The following SAP18 variants were observed in gnomAD, a reference collection of about 807,000 sequenced individuals.
SAP18 encodes histone deacetylase complex subunit SAP18.
In SAP18, 4 loss-of-function variants were observed where a neutral mutation model predicts 18.6. The observed-to-expected ratio is 0.21, with a 90% confidence interval of 0.11 to 0.49. The LOEUF (loss-of-function observed/expected upper bound fraction) is 0.49. Ranked by LOEUF, SAP18 falls within the 20% of genes least tolerant of loss-of-function variation. The pLI is 0.98. For synonymous variants in SAP18, 112 were observed against 82.8 expected (o/e 1.35, Z -1.92); for missense variants, 170 against 226.4 (o/e 0.75, Z 1.60).
Position 21,143,816 on chromosome 13 carries a change from C to CT in SAP18, c.239+2824dup, listed in dbSNP as rs1427117399. 5.3e-5 allele frequency among the ~76,000 whole-genome samples: 8 copies of CT among 152,274 alleles called. No homozygotes were observed. In the South Asian group the frequency reaches 1.2e-3, roughly 24 times the overall value. Reference sequence around the variant, plus strand: ...TTGCAACCAAACAAAGAAGGAACAACTTTAAGTTACATCTCAAAATGGTGG... The same window carrying CT: ...TTGCAACCAAACAAAGAAGGAACAACTTTTAAGTTACATCTCAAAATGGTGG... On this transcript the variant is annotated intron_variant, in intron 2 of 3. Coordinates refer to ENST00000621421, the Ensembl canonical transcript of SAP18.
chr13:21,146,957 A>G (rs987751723), intron 3 of SAP18, 30 bp downstream of exon 3: 2 of 1,588,438 alleles, frequency 1.3e-6, no homozygotes, highest in Non-Finnish European at 8.5e-7. Flanking sequence ...TAAGTCCTGT[A>G]ATCTCTTTGT....
intron 2 of SAP18, among the ~76,000 whole-genome samples, chr13:21,144,658 T>C (rs1179257572): frequency 6.6e-6 from 1 of 152,134 alleles, no homozygotes; most frequent in Non-Finnish European, 1.5e-5. Context: ...CCTAGGTTAG[T>C]GTTTGGTTGA....
exon 4 of SAP18, chr13:21,148,276 G>A (rs1049252683): frequency 2.6e-5 from 4 of 152,186 alleles, no homozygotes; most frequent in Non-Finnish European, 5.9e-5. Flanking sequence ...CTATAGGATT[G>A]TTAAGACTGA....
intron 2 of SAP18, among the ~76,000 whole-genome samples, chr13:21,142,948 A>G (rs1295314088): frequency 1.3e-5 from 2 of 152,118 alleles, no homozygotes; most frequent in Non-Finnish European, 2.9e-5. Context: ...TTATCTGTCC[A>G]TATATGAATT....
At chr13:21,144,974 G>A (rs907794004) in intron 2 of SAP18, among the ~76,000 whole-genome samples, 10 of 151,898 alleles carry the variant, frequency 6.6e-5, no homozygotes, top group Admixed American at 3.3e-4. Flanking sequence ...ACTGAGCATC[G>A]CAAGTCCAAA....
intron 2 of SAP18, among the ~76,000 whole-genome samples, chr13:21,142,343 T>C (rs996099757): frequency 4.0e-5 from 6 of 151,770 alleles, no homozygotes; most frequent in African/African-American, 1.5e-4. Flanking sequence ...CATTTATTTT[T>C]ATTTTTTGAA....
At chr13:21,143,336 A>C (rs1026183506) in intron 2 of SAP18, among the ~76,000 whole-genome samples, 4 of 152,204 alleles carry the variant, frequency 2.6e-5, no homozygotes, top group African/African-American at 9.7e-5. Flanking sequence ...AAGATGTATA[A>C]TTTTAAACTA....
At chr13:21,146,030 C>G (rs547338622) in intron 2 of SAP18, among the ~76,000 whole-genome samples, 1 of 152,204 alleles carries the variant, frequency 6.6e-6, no homozygotes, top group South Asian at 2.1e-4. Flanking sequence ...GTAAAACTTA[C>G]AATTCTATCT....
At chr13:21,149,007 G>GT (rs1194008254) in exon 4 of SAP18, 1 of 152,158 alleles carries the variant, frequency 6.6e-6, no homozygotes, top group Non-Finnish European at 1.5e-5. Flanking sequence ...TCTGGCTTTG[G>GT]TAAGTGTGGC....
chr13:21,142,627 A>G (rs544695208), intron 2 of SAP18, among the ~76,000 whole-genome samples: 4 of 152,236 alleles, frequency 2.6e-5, no homozygotes, highest in Middle Eastern at 3.4e-3. Flanking sequence ...GCACCTGGTC[A>G]TTAACCATTT....
intron 2 of SAP18, among the ~76,000 whole-genome samples, chr13:21,146,305 CCACTG>C (rs1429417065): frequency 2.0e-5 from 3 of 152,180 alleles, no homozygotes; most frequent in African/African-American, 7.2e-5. Flanking sequence ...TGAGGTCACG[CCACTG>C]CACTCTAGCC....
chr13:21,145,966 C>T (rs564090186), intron 2 of SAP18, among the ~76,000 whole-genome samples: 2 of 152,344 alleles, frequency 1.3e-5, no homozygotes, highest in East Asian at 3.9e-4. Flanking sequence ...AGAGCCTGTG[C>T]TTCATTGTAA....
At chr13:21,144,907 G>GA (rs1023265398) in intron 2 of SAP18, among the ~76,000 whole-genome samples, 1 of 151,934 alleles carries the variant, frequency 6.6e-6, no homozygotes, top group Non-Finnish European at 1.5e-5. Context: ...TTTTAGAAAG[G>GA]AAAAAATTCT....
chr13:21,143,767 G>C (rs1453636014), intron 2 of SAP18, among the ~76,000 whole-genome samples: 1 of 152,136 alleles, frequency 6.6e-6, no homozygotes, highest in Non-Finnish European at 1.5e-5. Flanking sequence ...AAAAAATCCT[G>C]TCCTAAACTA....
chr13:21,142,714 C>CATA (rs1378697407), intron 2 of SAP18, among the ~76,000 whole-genome samples: 1 of 152,100 alleles, frequency 6.6e-6, no homozygotes, highest in Non-Finnish European at 1.5e-5. Flanking sequence ...TTTATCCCTC[C>CATA]CTCCAACAGA....
chr13:21,144,437 AT>A (rs1229703475), intron 2 of SAP18, among the ~76,000 whole-genome samples: 1 of 133,938 alleles, frequency 7.5e-6, no homozygotes, highest in Non-Finnish European at 1.6e-5. Context: ...AAAAAGCTTT[AT>A]TGCAAAGAAT....
Position 21,146,220 on chromosome 13 carries a change from G to A in SAP18, c.240-585G>A, listed in dbSNP as rs139238101. Among the ~76,000 whole-genome samples the A allele has an allele frequency of 1.2e-4, 19 of 152,236 alleles. No individual in the cohort carries two copies. The East Asian group carries it at 3.5e-3, about 28-fold the overall frequency. On this transcript the variant is annotated intron_variant, in intron 2 of 3. Transcript: ENST00000621421. ...AAATTACCTGGGCGTGGTGGTGGGCGTCTGTAATCCCAGCTACTCAGGAGG... is the reference window on the plus strand; with the variant it reads ...AAATTACCTGGGCGTGGTGGTGGGCATCTGTAATCCCAGCTACTCAGGAGG...
chr13:21,143,193 G>GT (rs1456831749), intron 2 of SAP18, among the ~76,000 whole-genome samples: 1 of 152,188 alleles, frequency 6.6e-6, no homozygotes, highest in East Asian at 1.9e-4. Flanking sequence ...ATACAAATGT[G>GT]TTTGTGTCGC....
chr13:21,142,882 C>T (rs1863755891), intron 2 of SAP18, among the ~76,000 whole-genome samples: 1 of 152,138 alleles, frequency 6.6e-6, no homozygotes, highest in African/African-American at 2.4e-5. Flanking sequence ...ACACTCTGTG[C>T]CTATTAATAA....
Sources: allele counts gnomAD v4.1 joint callset (sites outside exome capture counted in the v4.1 genomes callset), GRCh38; gene constraint gnomAD v4.1.1; transcripts MANE v1.5; gene names NCBI Gene and HGNC (gene_info 2026-07-23, HGNC 2026-07-21).